The following ZNF385B variants were observed in gnomAD, a reference collection of about 807,000 sequenced individuals.
ZNF385B encodes zinc finger protein 533.
A neutral mutation model predicts 39.2 loss-of-function variants in ZNF385B; 23 were observed. The observed-to-expected ratio is 0.59, with a 90% confidence interval of 0.42 to 0.83. ZNF385B has a LOEUF of 0.83. ZNF385B is among the 40% of genes least tolerant of loss of function. The probability of loss-of-function intolerance (pLI) is 0.00; values close to 1 mark genes in which losing one functional copy is unlikely to be tolerated. For missense variants in ZNF385B, 552 were observed against 598.9 expected (o/e 0.92, Z 0.82); for synonymous variants, 205 against 222.6 (o/e 0.92, Z 0.70).
chr2:179,618,228 A>G (rs1023258051), intron 3 of ZNF385B, among the ~76,000 whole-genome samples: 1 of 152,220 alleles, frequency 6.6e-6, no homozygotes, highest in Non-Finnish European at 1.5e-5. Context: ...TAATGATTAT[A>G]ATTTTAGTAG....
chr2:179,614,216 G>A (rs1689539821), intron 3 of ZNF385B, among the ~76,000 whole-genome samples: 1 of 152,128 alleles, frequency 6.6e-6, no homozygotes, highest in Non-Finnish European at 1.5e-5. Flanking sequence ...TTATGAAGGT[G>A]TTTTTTGTGT....
At chr2:179,635,128 C>A (rs9753151) in intron 3 of ZNF385B, among the ~76,000 whole-genome samples, 6 of 148,832 alleles carry the variant, frequency 4.0e-5, no homozygotes, top group Admixed American at 2.0e-4. Flanking sequence ...GGCAACAGAG[C>A]GAAACTCCGT....
chr2:179,535,901 G>A (rs1315503233), intron 4 of ZNF385B, among the ~76,000 whole-genome samples: 2 of 152,160 alleles, frequency 1.3e-5, no homozygotes, highest in African/African-American at 2.4e-5. Flanking sequence ...ACCCCCAAGG[G>A]ATGTGAGACT....
chr2:179,719,966 C>A (rs1036798434), intron 3 of ZNF385B, among the ~76,000 whole-genome samples: 1 of 152,168 alleles, frequency 6.6e-6, no homozygotes, highest in Admixed American at 6.5e-5. Flanking sequence ...TTCATATATT[C>A]GTAATCAGAT....
chr2:179,579,632 A>T (rs1391281679), intron 3 of ZNF385B, among the ~76,000 whole-genome samples: 2 of 152,136 alleles, frequency 1.3e-5, no homozygotes. Flanking sequence ...AACATTTATA[A>T]ACTTGTAAAG....
At chr2:179,448,188 T>A (rs996147821) in intron 6 of ZNF385B, among the ~76,000 whole-genome samples, 2 of 152,120 alleles carry the variant, frequency 1.3e-5, no homozygotes, top group Admixed American at 6.6e-5. Context: ...CTTAGACTTT[T>A]ATTAAACTGA....
intron 1 of ZNF385B, among the ~76,000 whole-genome samples, chr2:179,843,179 A>G (rs995989926): frequency 6.6e-6 from 1 of 152,186 alleles, no homozygotes; most frequent in Non-Finnish European, 1.5e-5. Flanking sequence ...GGGGCCTCTA[A>G]CACACCAAAG....
chr2:179,731,204 A>T (rs961556930), intron 3 of ZNF385B, among the ~76,000 whole-genome samples: 1 of 152,196 alleles, frequency 6.6e-6, no homozygotes, highest in Non-Finnish European at 1.5e-5. Flanking sequence ...TTTTTCCCAC[A>T]ATTACCACGT....
chr2:179,811,247 A>G (rs1706714044), intron 1 of ZNF385B, among the ~76,000 whole-genome samples: 1 of 152,174 alleles, frequency 6.6e-6, no homozygotes, highest in Non-Finnish European at 1.5e-5. Flanking sequence ...CAATCTGCAG[A>G]GTCAACATTA....
At chr2:179,717,876 T>G (rs1301986862) in intron 3 of ZNF385B, among the ~76,000 whole-genome samples, 2 of 150,736 alleles carry the variant, frequency 1.3e-5, no homozygotes, top group East Asian at 4.0e-4. Context: ...TTACGTTGTA[T>G]GTAATTATTT....
chr2:179,456,057 C>G lies in ZNF385B; in HGVS notation c.716-9287G>C, dbSNP rs528876551. ...CAAAATAGCCTAAAAATGCATATCT[C>G]GGAATGTATCTGCATTGTTAAGCAA... On this transcript the variant is annotated intron_variant, in intron 6 of 9. Transcript: ENST00000410066. 2.6e-5 allele frequency among the ~76,000 whole-genome samples: 4 copies of G among 152,062 alleles called. No homozygotes were observed. The East Asian group carries it at 7.7e-4, about 29-fold the overall frequency.
chr2:179,512,215 T>C (rs1427791961), intron 5 of ZNF385B, among the ~76,000 whole-genome samples: 1 of 152,114 alleles, frequency 6.6e-6, no homozygotes, highest in Non-Finnish European at 1.5e-5. Flanking sequence ...TAAGGGTATT[T>C]ATAATAAACT....
At chr2:179,834,459 G>A (rs1316910292) in intron 1 of ZNF385B, among the ~76,000 whole-genome samples, 2 of 152,226 alleles carry the variant, frequency 1.3e-5, no homozygotes, top group Non-Finnish European at 2.9e-5. Context: ...ACATCAGAAT[G>A]TATTATGATA....
intron 3 of ZNF385B, among the ~76,000 whole-genome samples, chr2:179,681,839 A>G (rs1240320828): frequency 6.6e-6 from 1 of 152,250 alleles, no homozygotes; most frequent in Non-Finnish European, 1.5e-5. Flanking sequence ...AAGTATTAAC[A>G]GTTGAAAATG....
chr2:179,743,468 G>T (rs1050899311), intron 3 of ZNF385B, among the ~76,000 whole-genome samples: 1 of 151,922 alleles, frequency 6.6e-6, no homozygotes. Context: ...TAATTAACAA[G>T]AAAAAAATCA....
chr2:179,731,779 C>G (rs908732089), intron 3 of ZNF385B, among the ~76,000 whole-genome samples: 3 of 152,144 alleles, frequency 2.0e-5, no homozygotes, highest in Non-Finnish European at 4.4e-5. Context: ...ATAGCAAGAC[C>G]CTGTTTCTAA....
intron 6 of ZNF385B, among the ~76,000 whole-genome samples, chr2:179,472,303 G>A (rs2052857582): frequency 6.6e-6 from 1 of 152,124 alleles, no homozygotes; most frequent in East Asian, 1.9e-4. Flanking sequence ...AAAGAAATAA[G>A]CAAATAACTT....
intron 3 of ZNF385B, among the ~76,000 whole-genome samples, chr2:179,766,710 C>G (rs939659767): frequency 6.6e-6 from 1 of 152,168 alleles, no homozygotes; most frequent in Non-Finnish European, 1.5e-5. Flanking sequence ...TTAATTACCT[C>G]TGTAAAGACC....
At position 179,648,295 on chromosome 2, in the gene ZNF385B, G is replaced by A. The variant is rs1692912819; in HGVS notation, c.299-103326C>T. On this transcript the variant is annotated intron_variant, in intron 3 of 9. Transcript: ENST00000410066. Reference sequence around the variant, plus strand: ...GTGGCAACGAGAGATGGTTACATAGGGGTGTTGATCAATTTCATAAATATA... The same window carrying A: ...GTGGCAACGAGAGATGGTTACATAGAGGTGTTGATCAATTTCATAAATATA... Among the ~76,000 whole-genome samples the A allele has an allele frequency of 2.6e-5, 4 of 151,582 alleles. No individual in the cohort carries two copies. In the South Asian group the frequency reaches 8.3e-4, roughly 31 times the overall value.
Sources: allele counts gnomAD v4.1 joint callset (sites outside exome capture counted in the v4.1 genomes callset), GRCh38; gene constraint gnomAD v4.1.1; transcripts MANE v1.5; gene names NCBI Gene and HGNC (gene_info 2026-07-23, HGNC 2026-07-21).